Variants in FBXO47 observed in about 807,000 individuals in gnomAD.
The protein encoded by FBXO47 is F-box only protein 47.
A neutral mutation model predicts 53.9 loss-of-function variants in FBXO47; 34 were observed. That is an observed-to-expected ratio of 0.63 (90% CI 0.48 to 0.84). FBXO47 has a LOEUF of 0.84. Ranked by LOEUF, FBXO47 falls within the 40% of genes least tolerant of loss-of-function variation. The probability of loss-of-function intolerance (pLI) is 0.00; values close to 1 mark genes in which losing one functional copy is unlikely to be tolerated. For synonymous variants in FBXO47, 165 were observed against 181.6 expected (o/e 0.91, Z 0.73); for missense variants, 485 against 541.3 (o/e 0.90, Z 1.03).
At chr17:38,946,305 T>TAAATATATAA (rs1904812322) in intron 6 of FBXO47, among the ~76,000 whole-genome samples, 3 of 50,754 alleles carry the variant, frequency 5.9e-5, no homozygotes, top group Non-Finnish European at 7.6e-5. Context: ...AAAATATATA[T>TAAATATATAA]AAATATATAA....
intron 7 of FBXO47, 95 bp downstream of exon 7, chr17:38,944,865 T>C: frequency 1.1e-6 from 1 of 886,440 alleles, no homozygotes; most frequent in Non-Finnish European, 1.8e-6. Flanking sequence ...TGTGTGTGTG[T>C]GTGTGTATAA....
At chr17:38,952,454 A>T (rs1905342838) in intron 5 of FBXO47, among the ~76,000 whole-genome samples, 1 of 152,194 alleles carries the variant, frequency 6.6e-6, no homozygotes, top group South Asian at 2.1e-4. Flanking sequence ...ATTTACATAA[A>T]CAAAACTTGG....
intron 9 of FBXO47, among the ~76,000 whole-genome samples, chr17:38,939,323 A>AAATAT (rs1555559726): frequency 1.6e-4 from 8 of 50,170 alleles, no homozygotes; most frequent in African/African-American, 4.5e-4. Context: ...AAAAAAAAAA[A>AAATAT]ATATATATAT....
At chr17:38,946,436 AT>A (rs1567716799) in intron 6 of FBXO47, among the ~76,000 whole-genome samples, 25 of 96,224 alleles carry the variant, frequency 2.6e-4, no homozygotes, top group African/African-American at 8.7e-4. Flanking sequence ...ATAAATATAT[AT>A]GAATATATAT....
At chr17:38,955,824 G>A (rs1905523748) in intron 4 of FBXO47, among the ~76,000 whole-genome samples, 1 of 151,936 alleles carries the variant, frequency 6.6e-6, no homozygotes, top group African/African-American at 2.4e-5. Flanking sequence ...TGGGCGTGGT[G>A]GCGCACGCCT....
At chr17:38,957,698 CTTTTTTTTTT>C (rs67243641) in intron 3 of FBXO47, among the ~76,000 whole-genome samples, 1 of 132,866 alleles carries the variant, frequency 7.5e-6, no homozygotes, top group Non-Finnish European at 1.6e-5. Context: ...ACTGATTTTT[CTTTTTTTTTT>C]TTTTTTTTGA....
At chr17:38,951,506 A>T in intron 6 of FBXO47, 75 bp downstream of exon 6, 1 of 1,195,548 alleles carries the variant, frequency 8.4e-7, no homozygotes, top group Non-Finnish European at 1.2e-6. Flanking sequence ...AATTACTTTT[A>T]ATTACATTTT....
chr17:38,946,112 A>ACATAAATATATATTTATATATAAATC (rs1904771639), intron 6 of FBXO47, among the ~76,000 whole-genome samples: 1 of 126,922 alleles, frequency 7.9e-6, no homozygotes, highest in African/African-American at 3.0e-5. Context: ...ATATATAAAT[A>ACATAAATATATATTTATATATAAATC]CATAAATAAA....
At chr17:38,962,643 A>ATAATAATAATAATAG in intron 2 of FBXO47, among the ~76,000 whole-genome samples, 1 of 144,948 alleles carries the variant, frequency 6.9e-6, no homozygotes, top group East Asian at 2.0e-4. Context: ...AATAATAGTA[A>ATAATAATAATAATAG]TAATAATAAT....
intron 8 of FBXO47, among the ~76,000 whole-genome samples, chr17:38,943,306 T>C (rs540041685): frequency 6.6e-6 from 1 of 152,190 alleles, no homozygotes; most frequent in South Asian, 2.1e-4. Context: ...TAGGAGGGTG[T>C]TTCTGAGAAT....
At chr17:38,945,419 AT>A (rs1904709615) in intron 6 of FBXO47, among the ~76,000 whole-genome samples, 1 of 152,146 alleles carries the variant, frequency 6.6e-6, no homozygotes, top group Non-Finnish European at 1.5e-5. Context: ...ACAATTTTGG[AT>A]TTAAAAAGAA....
intron 3 of FBXO47, among the ~76,000 whole-genome samples, chr17:38,958,641 T>C (rs1346486816): frequency 6.6e-6 from 1 of 152,144 alleles, no homozygotes; most frequent in Non-Finnish European, 1.5e-5. Context: ...AAATAAGATA[T>C]ATGGTAGGAA....
chr17:38,952,815 C>CTTTTTT lies in FBXO47; in HGVS notation c.508-1132_508-1127dup, dbSNP rs139105548. 3.4e-3 allele frequency among the ~76,000 whole-genome samples: 396 copies of CTTTTTT among 115,338 alleles called. 4 individuals carry two copies. Among genetic ancestry groups the CTTTTTT allele is most frequent in the African/African-American group, 0.012 (367 of 31,272 alleles). The allele number at this position is 115,338 out of a possible 152,430, so 75.7% of individuals were successfully genotyped here. A position where few individuals can be genotyped will look rare whatever the true frequency, so the allele number is the denominator to read the frequency against. On this transcript the variant is annotated intron_variant, in intron 5 of 10. Coordinates refer to ENST00000378079, the MANE Select transcript of FBXO47 (RefSeq NM_001008777.3). ...GACAATTCTGAGCATTTATTTATGA[C>CTTTTTT]TTTTTTTTTTTTTTTTTTTGTAGAG...
intron 1 of FBXO47, among the ~76,000 whole-genome samples, chr17:38,965,889 A>G (rs991056328): frequency 6.6e-6 from 1 of 151,078 alleles, no homozygotes; most frequent in African/African-American, 2.4e-5. Context: ...CCTCAAAAAA[A>G]AAAAAAAATA....
At chr17:38,940,771 G>T (rs1904470513) in intron 9 of FBXO47, among the ~76,000 whole-genome samples, 1 of 151,790 alleles carries the variant, frequency 6.6e-6, no homozygotes, top group African/African-American at 2.4e-5. Flanking sequence ...AAACTCCTGG[G>T]CTCAAGTGAT....
At chr17:38,944,231 G>GTGTA (rs1202426831) in intron 7 of FBXO47, among the ~76,000 whole-genome samples, 1 of 143,666 alleles carries the variant, frequency 7.0e-6, no homozygotes, top group Non-Finnish European at 1.6e-5. Context: ...GTGTGTGTGT[G>GTGTA]TGTATGCTTC....
chr17:38,937,793 G>C (rs1915618434), intron 10 of FBXO47, among the ~76,000 whole-genome samples: 1 of 151,952 alleles, frequency 6.6e-6, no homozygotes, highest in African/African-American at 2.4e-5. Flanking sequence ...TCAGCCTCCC[G>C]AGTAGCTGGG....
chr17:38,962,152 T>G, intron 2 of FBXO47, 105 bp from the exon 3 acceptor site: 2 of 874,742 alleles, frequency 2.3e-6, no homozygotes, highest in Middle Eastern at 3.3e-4. Context: ...GTCATCATTA[T>G]CACCATCATC....
chr17:38,954,129 C>T (rs1055697192), intron 5 of FBXO47, among the ~76,000 whole-genome samples: 4 of 152,094 alleles, frequency 2.6e-5, no homozygotes, highest in African/African-American at 9.6e-5. Context: ...CCTGTCTCTA[C>T]TAAAAATACA....
Sources: allele counts gnomAD v4.1 joint callset (sites outside exome capture counted in the v4.1 genomes callset), GRCh38; gene constraint gnomAD v4.1.1; transcripts MANE v1.5; gene names NCBI Gene and HGNC (gene_info 2026-07-23, HGNC 2026-07-21).